Variants in DIS3L observed in about 807,000 individuals in gnomAD.
DIS3L encodes DIS3-like exonuclease 1.
DIS3L carries 100 observed loss-of-function variants against 120.3 expected under a neutral mutation model. That is an observed-to-expected ratio of 0.83 (90% confidence interval 0.71 to 0.98). The LOEUF is 0.98. Among genes scored for constraint, DIS3L ranks in the 50% least tolerant of loss-of-function variants. The pLI, the probability that DIS3L is intolerant of heterozygous loss-of-function variation, is 0.00. For missense variants in DIS3L, 1,196 were observed against 1,314.2 expected, an observed-to-expected ratio of 0.91 and a Z score of 1.39; for synonymous variants, 426 against 470.6, an observed-to-expected ratio of 0.91 and a Z score of 1.23.
At chr15:66,305,246 T>C (rs938084453) in intron 2 of DIS3L, among the ~76,000 whole-genome samples, 7 of 152,136 alleles carry the variant, frequency 4.6e-5, no homozygotes, top group Non-Finnish European at 7.4e-5. Context: ...GTGATCCTCC[T>C]GCCTCGCCTC....
intron 1 of DIS3L, chr15:66,293,975 G>T: frequency 1.0e-6 from 1 of 992,576 alleles, no homozygotes; most frequent in Non-Finnish European, 1.2e-6. Context: ...CCAATGGGAG[G>T]GCCCGACAGA....
At chr15:66,329,188 T>C (rs2092971936) in intron 13 of DIS3L, 33 bp from the exon 14 acceptor site, 1 of 1,587,432 alleles carries the variant, frequency 6.3e-7, no homozygotes, top group Non-Finnish European at 8.6e-7. Flanking sequence ...AAATAGTTTT[T>C]GTTTATTTTG....
Position 66,322,929 on chromosome 15 carries a change from A to G in DIS3L, c.1569A>G (p.Arg523=). 2 of 1,614,158 alleles carry G rather than the reference A, an allele frequency of 1.2e-6. No individual in the cohort carries two copies. The highest frequency in any genetic ancestry group is 1.1e-5 in the South Asian group (1 of 91,086). ...APNSYIDIEA[R]TRATTYYLAD... ...ATTCTTACATTGATATTGAAGCTAG[A>G]ACAAGGTAATGCTATTTGAAATCAG... Residue 523 remains arginine, a synonymous_variant, in exon 10 of 17, where the codon AGA becomes AGG. Transcript: ENST00000319212.
Position 66,326,078 on chromosome 15 carries a change from G to A in DIS3L, c.1915G>A (p.Val639Ile). 1 of 1,614,214 alleles carries A rather than the reference G, an allele frequency of 6.2e-7. No individual in the cohort carries two copies. Among genetic ancestry groups the A allele is most frequent in the East Asian group, 2.2e-5 (1 of 44,878 alleles). Residue 639 changes from valine to isoleucine, a missense_variant, in exon 12 of 17, where the codon GTC (valine) becomes ATC (isoleucine). Val to Ile is a conservative substitution (Grantham distance 29). Transcript: ENST00000319212. ...AAAGCTGACCGACATAGCTCGCCATGTCAGAGCTAAACGAGACGGATGTGG... is the reference window on the plus strand; with the variant it reads ...AAAGCTGACCGACATAGCTCGCCATATCAGAGCTAAACGAGACGGATGTGG... ...IGKLTDIARHVRAKRDGCGAL... is the reference protein window; with the variant it reads ...IGKLTDIARHIRAKRDGCGAL...
Position 66,315,210 on chromosome 15 carries a change from C to CT in DIS3L, c.990dup (p.Thr331TyrfsTer50), listed in dbSNP as rs1285877735. On this transcript the variant is annotated frameshift_variant, in exon 7 of 17. Coordinates refer to ENST00000319212, the MANE Select transcript of DIS3L (RefSeq NM_001143688.3). LOFTEE classifies it high-confidence loss of function. ...GGCGAGTCCCCAAGTGAGCCCATGC[C>CT]TACAGGTGAGCCAGCTGCAGAGCCA... 6 of 1,608,888 alleles carry CT rather than the reference C, an allele frequency of 3.7e-6. No individual in the cohort carries two copies. The highest frequency in any genetic ancestry group is 5.1e-6 in the Non-Finnish European group (6 of 1,176,396).
At chr15:66,317,380 T>G (rs2092830331) in intron 7 of DIS3L, among the ~76,000 whole-genome samples, 1 of 151,940 alleles carries the variant, frequency 6.6e-6, no homozygotes, top group African/African-American at 2.4e-5. Context: ...GAGAACATTT[T>G]TAATTATTAA....
At chr15:66,324,093 A>G (rs2092913251) in intron 11 of DIS3L, among the ~76,000 whole-genome samples, 1 of 152,184 alleles carries the variant, frequency 6.6e-6, no homozygotes, top group African/African-American at 2.4e-5. Context: ...GTTCCGTATT[A>G]GTTTTTCTAG....
chr15:66,304,875 T>C (rs1447125958), intron 2 of DIS3L, among the ~76,000 whole-genome samples: 1 of 115,404 alleles, frequency 8.7e-6, no homozygotes, highest in Non-Finnish European at 1.7e-5. Context: ...CACTCCAACC[T>C]AGGCAACAGA....
rs1566960632 is a variant in DIS3L at position 66,329,099 on chromosome 15, T to C, written c.2331T>C (p.Cys777=). 6.2e-7 allele frequency: 1 copy of C among 1,613,558 alleles called. No individual in the cohort carries two copies. Among genetic ancestry groups the C allele is most frequent in the Non-Finnish European group, 8.5e-7 (1 of 1,179,842 alleles). ...SNALYFSTGS[C]AEEEFHHYGL... ...CTCTGTACTTCTCCACCGGATCCTG[T>C]GCGGAGGAGGAGTTCCATCATTACG... The change falls in exon 13 of 17, where the codon TGT becomes TGC. Residue 777 remains cysteine (C), a synonymous_variant. Coordinates refer to ENST00000319212, the MANE Select transcript of DIS3L (RefSeq NM_001143688.3).
intron 11 of DIS3L, 49 bp downstream of exon 11, chr15:66,323,634 C>A: frequency 6.4e-7 from 1 of 1,573,972 alleles, no homozygotes; most frequent in Non-Finnish European, 8.7e-7. Context: ...CCTTCTGTGG[C>A]TCCTGATGCT....
intron 7 of DIS3L, among the ~76,000 whole-genome samples, chr15:66,317,345 G>GAAA (rs796186674): frequency 7.4e-6 from 1 of 135,410 alleles, no homozygotes. Flanking sequence ...ATATTTGTGG[G>GAAA]AAAAAAAAAA....
Position 66,308,840 on chromosome 15 carries a change from T to G in DIS3L, c.554T>G (p.Phe185Cys), listed in dbSNP as rs2092727058. The change falls in exon 4 of 17, where the codon TTC becomes TGC. Residue 185 changes from phenylalanine (F) to cysteine (C), a missense_variant. Transcript: ENST00000319212. ...SETEGVFVIT[F>C]KNYLDNFWPD... is the part of the protein sequence containing the mutation. ...ACAGAAGGAGTATTCGTGATTACTT[T>G]CAAGGTATTTCCAGATATTGTATAT... 6.2e-7 allele frequency: 1 copy of G among 1,612,510 alleles called. No individual in the cohort carries two copies. The highest frequency in any genetic ancestry group is 1.7e-5 in the Admixed American group (1 of 59,910).
At chr15:66,317,739 G>C (rs1433703397) in intron 7 of DIS3L, among the ~76,000 whole-genome samples, 1 of 151,822 alleles carries the variant, frequency 6.6e-6, no homozygotes, top group African/African-American at 2.4e-5. Flanking sequence ...CTACCCAGGA[G>C]GATGGATTGA....
At chr15:66,295,429 G>A (rs143657559) in intron 2 of DIS3L, among the ~76,000 whole-genome samples, 6 of 152,210 alleles carry the variant, frequency 3.9e-5, no homozygotes, top group Admixed American at 3.3e-4. Context: ...TTTTATAGTG[G>A]CAGGGTTATT....
In DIS3L at chr15:66,306,938, G is replaced by A; in HGVS notation, c.408G>A (p.Glu136=). The part of the protein sequence containing the change: ...YLPRERGESM[E]KWQTRSIYNA... ...CACGGGAAAGAGGAGAGTCCATGGA[G>A]AAGTGGCAGACCAGGTATGGCCCTG... Residue 136 remains glutamate, a synonymous_variant, in exon 3 of 17, where the codon GAG becomes GAA. Coordinates refer to ENST00000319212, the MANE Select transcript of DIS3L (RefSeq NM_001143688.3). The A allele has an allele frequency of 1.9e-6, 3 of 1,614,122 alleles. No individual in the cohort carries two copies. Among genetic ancestry groups the A allele is most frequent in the Non-Finnish European group, 2.5e-6 (3 of 1,179,978 alleles).
At chr15:66,322,612 C>T (rs2140391006) in intron 9 of DIS3L, 75 bp from the exon 10 acceptor site, 1 of 1,574,158 alleles carries the variant, frequency 6.4e-7, no homozygotes, top group Non-Finnish European at 8.6e-7. Flanking sequence ...TGTGGTCATA[C>T]TGAGAATATT....
rs755253727 is a variant in DIS3L, at chr15:66,318,481, C to T, written c.1027C>T (p.Arg343Trp). The T allele has an allele frequency of 1.3e-5, 21 of 1,613,720 alleles. No individual in the cohort carries two copies. In the African/African-American group the frequency reaches 1.9e-4, roughly 14 times the overall value. Residue 343 changes from arginine to tryptophan, a missense_variant, in exon 8 of 17, where the codon CGG becomes TGG. Transcript: ENST00000319212. ...RVVGILQKNW[R>W]DYVVTFPSKE... ...GGTGGGCATACTTCAGAAGAACTGG[C>T]GGGATTATGTGGTGACATTTCCGTC...
rs116628205 is a variant in DIS3L at position 66,321,858 on chromosome 15, G to T, written c.1327-829G>T. On this transcript the variant is annotated intron_variant, in intron 9 of 16. Coordinates refer to ENST00000319212, the MANE Select transcript of DIS3L (RefSeq NM_001143688.3). ...TCTCTTGGAATGTAATCCTTAAAGT[G>T]AGATTACCAAGTCAAAGGGTATAAA... 2.1e-3 allele frequency among the ~76,000 whole-genome samples: 320 copies of T among 151,954 alleles called. 1 individual carries two copies. Among genetic ancestry groups the T allele is most frequent in the African/African-American group, 7.3e-3 (302 of 41,420 alleles).
chr15:66,308,925 G>C, intron 4 of DIS3L, 81 bp downstream of exon 4: 1 of 1,448,350 alleles, frequency 6.9e-7, no homozygotes, highest in South Asian at 1.5e-5. Flanking sequence ...TGGTAACACA[G>C]AAAAGAGAAA....
Sources: gnomAD v4.1 joint callset for allele counts (sites outside exome capture counted in the v4.1 genomes callset) on GRCh38, gnomAD v4.1.1 for gene constraint, MANE v1.5 for transcripts, NCBI Gene and HGNC (gene_info 2026-07-23, HGNC 2026-07-21) for gene names.